The following RANBP9 variants were observed in gnomAD, a reference collection of about 807,000 sequenced individuals.
The protein encoded by RANBP9 is RAN binding protein 9.
RANBP9 carries 15 observed loss-of-function variants against 84.3 expected under a neutral mutation model. The ratio of observed to expected loss-of-function variants is 0.18; its 90% CI spans 0.12 to 0.27. The LOEUF (loss-of-function observed/expected upper bound fraction) is 0.27. Ranked by LOEUF, RANBP9 falls within the 10% of genes least tolerant of loss-of-function variation. The probability of loss-of-function intolerance (pLI) is 1.00; values close to 1 mark genes in which losing one functional copy is unlikely to be tolerated. For missense variants in RANBP9, 809 were observed against 912.8 expected (o/e 0.89, Z 1.46); for synonymous variants, 392 against 349.6 (o/e 1.12, Z -1.35).
intron 13 of RANBP9, among the ~76,000 whole-genome samples, chr6:13,625,310 T>C (rs546105424): frequency 6.6e-6 from 1 of 152,156 alleles, no homozygotes; most frequent in Non-Finnish European, 1.5e-5. Context: ...ATGTCTCTGG[T>C]AGGGTAGTAT....
intron 10 of RANBP9, among the ~76,000 whole-genome samples, chr6:13,635,070 C>A (rs1247090757): frequency 1.3e-5 from 2 of 152,182 alleles, no homozygotes; most frequent in African/African-American, 2.4e-5. Context: ...TGGCATTTGT[C>A]CTCACTACTT....
chr6:13,662,391 T>C (rs1404788624), intron 2 of RANBP9, among the ~76,000 whole-genome samples: 3 of 152,112 alleles, frequency 2.0e-5, no homozygotes, highest in Non-Finnish European at 4.4e-5. Flanking sequence ...GAAATACTCT[T>C]GCTTTGAATG....
chr6:13,634,645 A>T, intron 10 of RANBP9, 93 bp from the exon 11 acceptor site: 2 of 1,148,992 alleles, frequency 1.7e-6, no homozygotes, highest in Non-Finnish European at 2.3e-6. Flanking sequence ...CCTACGAATA[A>T]ACTAATTTCA....
intron 5 of RANBP9, among the ~76,000 whole-genome samples, chr6:13,645,807 G>A (rs986635635): frequency 2.0e-5 from 3 of 152,078 alleles, no homozygotes; most frequent in African/African-American, 4.8e-5. Flanking sequence ...TACAAAACAA[G>A]GTAAAGATCA....
In RANBP9 at chr6:13,711,668, G is replaced by C; in HGVS notation, c.-163C>G. On this transcript the variant is annotated 5_prime_UTR_variant, in exon 1 of 14. Coordinates refer to ENST00000011619, the MANE Select transcript of RANBP9 (RefSeq NM_005493.3). The stretch of plus-strand genomic sequence containing the variant: ...CCAGGGAGACCGCGGCGGTTGAGGA[G>C]CTCGGAGACGCGGGAGTAGGCGGCG... 1 of 494,332 alleles carries C rather than the reference G, an allele frequency of 2.0e-6. No homozygotes were observed. The highest frequency in any genetic ancestry group is 3.0e-6 in the Non-Finnish European group (1 of 336,140). 30.6% of individuals were successfully genotyped at this position (494,332 alleles called of 1,614,324 possible). A position where few individuals can be genotyped will look rare whatever the true frequency, so the allele number is the denominator to read the frequency against.
At chr6:13,685,207 T>C (rs1282786939) in intron 2 of RANBP9, among the ~76,000 whole-genome samples, 2 of 152,168 alleles carry the variant, frequency 1.3e-5, no homozygotes, top group Non-Finnish European at 2.9e-5. Flanking sequence ...AAAAAGAGTA[T>C]TTAGAATAGT....
rs971682896 is a variant in RANBP9 at position 13,711,387 on chromosome 6, G to A, written c.119C>T (p.Ala40Val). The change falls in exon 1 of 14, where the codon GCC (alanine) becomes GTC (valine). Residue 40 changes from alanine (A) to valine (V), a missense_variant. Ala to Val is a moderately conservative substitution (Grantham distance 64, BLOSUM62 0). Transcript: ENST00000011619. ...GGCCGGAGAAGAGCCGGCGCTGACG[G>A]CCGGGGGCGCCGGCAGGACGACTCC... ...VSGVVLPAPP[A>V]VSAGSSPAGS... 3.4e-6 allele frequency: 4 copies of A among 1,175,926 alleles called. No homozygotes were observed. The highest frequency in any genetic ancestry group is 4.2e-6 in the Non-Finnish European group (4 of 952,224). The allele number at this position is 1,175,926 out of a possible 1,614,324, so 72.8% of individuals were successfully genotyped here.
intron 13 of RANBP9, among the ~76,000 whole-genome samples, chr6:13,623,641 G>A (rs1325802654): frequency 6.6e-6 from 1 of 152,124 alleles, no homozygotes; most frequent in African/African-American, 2.4e-5. Context: ...GGAAGCATCT[G>A]GCGATGCATC....
At chr6:13,701,287 C>T (rs1487862006) in intron 1 of RANBP9, among the ~76,000 whole-genome samples, 1 of 152,202 alleles carries the variant, frequency 6.6e-6, no homozygotes, top group Non-Finnish European at 1.5e-5. Context: ...AGTCCAAAAT[C>T]TTATGAACAG....
chr6:13,657,814 C>T (rs986267252), intron 3 of RANBP9, among the ~76,000 whole-genome samples: 2 of 152,080 alleles, frequency 1.3e-5, no homozygotes, highest in African/African-American at 4.8e-5. Context: ...ATAAAAACCT[C>T]AATTAAACCC....
At chr6:13,637,719 C>T in intron 10 of RANBP9, 89 bp downstream of exon 10, 1 of 1,319,068 alleles carries the variant, frequency 7.6e-7, no homozygotes, top group East Asian at 2.5e-5. Context: ...CTGTGGGTCA[C>T]ATAATTCAAG....
At chr6:13,625,848 A>G (rs1430859728) in intron 12 of RANBP9, 84 bp from the exon 13 acceptor site, 6 of 974,514 alleles carry the variant, frequency 6.2e-6, no homozygotes, top group East Asian at 2.4e-5. Flanking sequence ...GAGGTAAAAT[A>G]TGGCTTCCAG....
chr6:13,667,011 T>C (rs773389972), intron 2 of RANBP9, among the ~76,000 whole-genome samples: 5 of 152,174 alleles, frequency 3.3e-5, no homozygotes, highest in Non-Finnish European at 7.4e-5. Context: ...ATCTGACATA[T>C]AAAAACAAAC....
intron 12 of RANBP9, among the ~76,000 whole-genome samples, chr6:13,629,233 C>T (rs1764709178): frequency 1.3e-5 from 2 of 152,292 alleles, no homozygotes; most frequent in Admixed American, 6.5e-5. Flanking sequence ...GCCTCAGCCT[C>T]CCAAAGTGTT....
At chr6:13,703,129 C>T (rs531164096) in intron 1 of RANBP9, among the ~76,000 whole-genome samples, 7 of 152,298 alleles carry the variant, frequency 4.6e-5, no homozygotes, top group East Asian at 1.9e-4. Context: ...CCTCCCACCT[C>T]GACTTCCCCA....
intron 12 of RANBP9, among the ~76,000 whole-genome samples, chr6:13,626,445 G>A (rs1274812090): frequency 6.6e-6 from 1 of 152,152 alleles, no homozygotes; most frequent in Non-Finnish European, 1.5e-5. Context: ...GTAGCCTTTG[G>A]CAATTGACAA....
Position 13,632,468 on chromosome 6 carries a change from T to C in RANBP9, c.1849A>G (p.Ile617Val). 1.2e-6 allele frequency: 2 copies of C among 1,614,020 alleles called. No homozygotes were observed. Among genetic ancestry groups the C allele is most frequent in the Non-Finnish European group, 8.5e-7 (1 of 1,179,900 alleles). ...RQLCGGSQAA[I>V]ERMIHFGREL... ...CGTCCAAAGTGGATCATTCTTTCTA[T>C]GGCGGCCTGACTTCCTCCACACAAC... is the stretch of plus-strand genomic sequence containing the variant. Residue 617 changes from isoleucine to valine, a missense_variant, in exon 12 of 14, where the codon ATA (isoleucine) becomes GTA (valine). Around this residue, in one of 5 missense-constraint regions of RANBP9, gnomAD observed 233 missense variants for 234.4 expected, o/e 0.99. Coordinates refer to ENST00000011619, the MANE Select transcript of RANBP9 (RefSeq NM_005493.3).
At chr6:13,658,018 TA>T (rs1164280698) in intron 3 of RANBP9, among the ~76,000 whole-genome samples, 1 of 152,098 alleles carries the variant, frequency 6.6e-6, no homozygotes, top group Non-Finnish European at 1.5e-5. Context: ...GCAAAGAGAG[TA>T]TTAGAAGACA....
chr6:13,639,857 A>G, intron 8 of RANBP9, 104 bp from the exon 9 acceptor site: 2 of 985,476 alleles, frequency 2.0e-6, no homozygotes, highest in Middle Eastern at 3.2e-4. Flanking sequence ...ATTTATCAGT[A>G]GGATTGGTCT....
Sources: gnomAD v4.1 joint callset for allele counts (sites outside exome capture counted in the v4.1 genomes callset) on GRCh38, gnomAD v4.1.1 for gene constraint, gnomAD v4.1.1 regional missense constraint, MANE v1.5 for transcripts, NCBI Gene and HGNC (gene_info 2026-07-23, HGNC 2026-07-21) for gene names.